LPGAT1: variants seen among roughly 807,000 people sequenced by gnomAD.
LPGAT1 encodes the protein lysophosphatidylglycerol acyltransferase 1.
A neutral mutation model predicts 47.5 loss-of-function variants in LPGAT1; 11 were observed. That is an observed-to-expected ratio of 0.23 (90% CI 0.15 to 0.38). The LOEUF (loss-of-function observed/expected upper bound fraction) is 0.38. LPGAT1 is among the 10% of genes least tolerant of loss of function. The probability of loss-of-function intolerance (pLI) is 1.00; values close to 1 mark genes in which losing one functional copy is unlikely to be tolerated. For synonymous variants in LPGAT1, 138 were observed against 144.2 expected (o/e 0.96, Z 0.31); for missense variants, 293 against 439.0 (o/e 0.67, Z 2.97).
At chr1:211,812,430 T>C (rs1377584055) in intron 2 of LPGAT1, among the ~76,000 whole-genome samples, 1 of 152,006 alleles carries the variant, frequency 6.6e-6, no homozygotes, top group Admixed American at 6.6e-5. Context: ...ACACTATAGG[T>C]ATAAGGTTCT....
intron 2 of LPGAT1, among the ~76,000 whole-genome samples, chr1:211,794,201 G>T (rs1659255214): frequency 6.6e-6 from 1 of 152,174 alleles, no homozygotes; most frequent in African/African-American, 2.4e-5. Flanking sequence ...CAAATTATTT[G>T]AAGTTATCAG....
chr1:211,816,120 C>T (rs574768930), intron 2 of LPGAT1, among the ~76,000 whole-genome samples: 1 of 152,056 alleles, frequency 6.6e-6, no homozygotes, highest in African/African-American at 2.4e-5. Context: ...CCTAGCTTCA[C>T]CTGGCCAACT....
At chr1:211,789,065 C>T (rs1298998070) in intron 3 of LPGAT1, among the ~76,000 whole-genome samples, 3 of 152,074 alleles carry the variant, frequency 2.0e-5, no homozygotes, top group Admixed American at 2.0e-4. Flanking sequence ...AAGATATATG[C>T]CTAGTAAAGA....
At chr1:211,751,854 T>C (rs1657200632) in intron 6 of LPGAT1, among the ~76,000 whole-genome samples, 1 of 152,198 alleles carries the variant, frequency 6.6e-6, no homozygotes, top group Admixed American at 6.5e-5. Context: ...CCCTCTTCCC[T>C]TCATTTCTGC....
At chr1:211,756,860 T>G (rs1205433055) in intron 6 of LPGAT1, among the ~76,000 whole-genome samples, 3 of 150,978 alleles carry the variant, frequency 2.0e-5, no homozygotes, top group Non-Finnish European at 4.4e-5. Context: ...TTGCTTTGTT[T>G]TTTTTTTTTT....
Position 211,749,927 on chromosome 1 carries a change from A to G in LPGAT1, c.1085T>C (p.Ile362Thr). 2 of 1,614,126 alleles carry G rather than the reference A, an allele frequency of 1.2e-6. No homozygotes were observed. The highest frequency in any genetic ancestry group is 1.7e-6 in the Non-Finnish European group (2 of 1,179,988). ...AAACAGGCAATGGTAAAAATACTGA[A>G]TGATGTTGTACCACATATAGCCTGA... ...FLSGYMWYNI[I>T]QYFYHCLF Residue 362 changes from isoleucine (I) to threonine (T), a missense_variant, in exon 8 of 8, where the codon ATT (isoleucine) becomes ACT (threonine). Physicochemically the swap from Ile to Thr is moderately conservative, Grantham distance 89. Transcript: ENST00000366997.
Position 211,749,998 on chromosome 1 carries a change from G to A in LPGAT1, c.1014C>T (p.Thr338=), listed in dbSNP as rs1377877258. Residue 338 remains threonine (T), a synonymous_variant, in exon 8 of 8, where the codon ACC becomes ACT. Coordinates refer to ENST00000366997, the MANE Select transcript of LPGAT1 (RefSeq NM_014873.3). ...TGAGAAATATCCACAAGTTGCTGAGGGTCATCTCCCTGGAAACAGCTTCCT... is the reference window on the plus strand; with the variant it reads ...TGAGAAATATCCACAAGTTGCTGAGAGTCATCTCCCTGGAAACAGCTTCCT... ...GHKEAVSREM[T]LSNLWIFLIQ... The A allele has an allele frequency of 6.2e-7, 1 of 1,613,974 alleles. No homozygotes were observed. Among genetic ancestry groups the A allele is most frequent in the Non-Finnish European group, 8.5e-7 (1 of 1,179,910 alleles).
Position 211,789,677 on chromosome 1 carries a change from C to T in LPGAT1, c.358-1950G>A, listed in dbSNP as rs181758396. 3.1e-3 allele frequency among the ~76,000 whole-genome samples: 471 copies of T among 152,128 alleles called. 1 individual carries two copies. Among genetic ancestry groups the T allele is most frequent in the African/African-American group, 0.011 (449 of 41,506 alleles). On this transcript the variant is annotated intron_variant, in intron 3 of 7. Coordinates refer to ENST00000366997, the MANE Select transcript of LPGAT1 (RefSeq NM_014873.3). ...TGGGCGGATCACGAGGTCAAGAGAT[C>T]GAGACCATCCTGGTCAACCTCGTCT...
Position 211,793,178 on chromosome 1 carries a change from C to T in LPGAT1, c.251G>A (p.Gly84Glu), listed in dbSNP as rs772957169. ...TTTTGAAACTGCTTTAATATCTTCT[C>T]CCCATTCCATCACTGTAAGAACAAA... ...WYAGYTVMEW[G>E]EDIKAVSKDE... The change falls in exon 3 of 8, where the codon GGA (glycine) becomes GAA (glutamate). Residue 84 changes from glycine to glutamate, a missense_variant. Transcript: ENST00000366997. The T allele has an allele frequency of 6.2e-7, 1 of 1,607,304 alleles. No individual in the cohort carries two copies. Among genetic ancestry groups the T allele is most frequent in the Non-Finnish European group, 8.5e-7 (1 of 1,176,076 alleles).
intron 2 of LPGAT1, among the ~76,000 whole-genome samples, chr1:211,798,949 G>C (rs1234361872): frequency 6.6e-6 from 1 of 152,080 alleles, no homozygotes; most frequent in African/African-American, 2.4e-5. Context: ...AAGAGAGGGA[G>C]GGAGGGCAAT....
intron 2 of LPGAT1, among the ~76,000 whole-genome samples, chr1:211,824,573 C>G (rs372381856): frequency 5.9e-5 from 9 of 152,154 alleles, no homozygotes; most frequent in African/African-American, 2.2e-4. Flanking sequence ...CCACTGACTC[C>G]CAGAGTTTTC....
At chr1:211,823,006 C>T (rs1660414924) in intron 2 of LPGAT1, among the ~76,000 whole-genome samples, 1 of 152,184 alleles carries the variant, frequency 6.6e-6, no homozygotes, top group Non-Finnish European at 1.5e-5. Flanking sequence ...AGCTATATTA[C>T]TTTCAGATGT....
At chr1:211,829,769 C>T (rs1660661366) in intron 1 of LPGAT1, 1 of 994,990 alleles carries the variant, frequency 1.0e-6, no homozygotes, top group Non-Finnish European at 1.2e-6. Flanking sequence ...TCCTCACCAC[C>T]ACGATTCCTG....
intron 7 of LPGAT1, among the ~76,000 whole-genome samples, chr1:211,750,590 T>C (rs1470753861): frequency 6.6e-6 from 1 of 152,212 alleles, no homozygotes; most frequent in Non-Finnish European, 1.5e-5. Flanking sequence ...AAATTTTTTG[T>C]CAAAAAAGTA....
In LPGAT1 at chr1:211,779,292, G is replaced by A. The variant is rs553972930; in HGVS notation, c.728-248C>T. On this transcript the variant is annotated intron_variant, in intron 5 of 7. Transcript: ENST00000366997. ...TATCTACTGGACATGCACCATTCAA[G>A]TATCTGATACAATTATGCACTATGA... Among the ~76,000 whole-genome samples the A allele has an allele frequency of 2.0e-5, 3 of 152,202 alleles. No individual in the cohort carries two copies. In the South Asian group the frequency reaches 6.2e-4, roughly 32 times the overall value.
In LPGAT1 at chr1:211,773,613, C is replaced by A. The variant is rs12403018; in HGVS notation, c.854+5305G>T. ...AGGATCGTTTTCTCTAACTCACTGTCCTAATTGAAGTGAAATGGACATTTA... is the reference window on the plus strand; with the variant it reads ...AGGATCGTTTTCTCTAACTCACTGTACTAATTGAAGTGAAATGGACATTTA... On this transcript the variant is annotated intron_variant, in intron 6 of 7. Transcript: ENST00000366997. Among the ~76,000 whole-genome samples, 1,505 of 152,272 alleles carry A rather than the reference C, an allele frequency of 9.9e-3. 10 individuals are homozygous for A. Among genetic ancestry groups the A allele is most frequent in the Middle Eastern group, 0.017 (5 of 294 alleles).
At chr1:211,760,983 C>G (rs1657674265) in intron 6 of LPGAT1, among the ~76,000 whole-genome samples, 2 of 152,130 alleles carry the variant, frequency 1.3e-5, no homozygotes, top group Non-Finnish European at 2.9e-5. Context: ...TGAGTTTTTA[C>G]TTTTAGATAA....
chr1:211,793,418 T>C (rs917317028), intron 2 of LPGAT1: 3 of 140,066 alleles, frequency 2.1e-5, no homozygotes, highest in African/African-American at 8.1e-5. Context: ...TATTTATTTA[T>C]TTATTTATTT....
chr1:211,767,471 G>C (rs1558259331), intron 6 of LPGAT1, among the ~76,000 whole-genome samples: 1 of 152,110 alleles, frequency 6.6e-6, no homozygotes, highest in East Asian at 1.9e-4. Context: ...AAGCAAAGGG[G>C]GAAAACCTGC....
Sources: allele counts gnomAD v4.1 joint callset (sites outside exome capture counted in the v4.1 genomes callset), GRCh38; gene constraint gnomAD v4.1.1; transcripts MANE v1.5; gene names NCBI Gene and HGNC (gene_info 2026-07-23, HGNC 2026-07-21).